Variants in GRID1 observed in about 807,000 individuals in gnomAD.
GRID1 encodes glutamate receptor ionotropic, delta-1.
Under a neutral mutation model 98.0 loss-of-function variants are expected in GRID1, and 28 were observed. The observed-to-expected ratio is 0.29, with a 90% CI of 0.21 to 0.39. GRID1 has a LOEUF of 0.39. GRID1 is among the 10% of genes least tolerant of loss of function. The pLI is 1.00. For synonymous variants in GRID1, 553 were observed against 538.5 expected (o/e 1.03, Z -0.37); for missense variants, 1,111 against 1,340.5 (o/e 0.83, Z 2.67).
chr10:85,994,673 C>G (rs1842720354), intron 4 of GRID1, among the ~76,000 whole-genome samples: 1 of 152,166 alleles, frequency 6.6e-6, no homozygotes, highest in South Asian at 2.1e-4. Flanking sequence ...TGGCAGTGGA[C>G]AGAATGCTGG....
At chr10:85,745,757 A>G (rs1172590400) in intron 8 of GRID1, among the ~76,000 whole-genome samples, 3 of 152,084 alleles carry the variant, frequency 2.0e-5, no homozygotes, top group Non-Finnish European at 4.4e-5. Context: ...TAGTGTCACA[A>G]ACATGACCAG....
At chr10:86,010,790 C>T (rs1456803202) in intron 4 of GRID1, among the ~76,000 whole-genome samples, 2 of 149,294 alleles carry the variant, frequency 1.3e-5, no homozygotes, top group East Asian at 3.9e-4. Context: ...TGTACTCCAG[C>T]CTGGGCAACA....
chr10:85,780,378 A>C (rs1218392765), intron 8 of GRID1, among the ~76,000 whole-genome samples: 1 of 152,204 alleles, frequency 6.6e-6, no homozygotes. Flanking sequence ...GTAGAGGAGG[A>C]AGTGGGGCTG....
chr10:85,869,896 C>T (rs933604019), intron 5 of GRID1, among the ~76,000 whole-genome samples: 4 of 152,154 alleles, frequency 2.6e-5, no homozygotes, highest in African/African-American at 9.7e-5. Flanking sequence ...CACAACATCC[C>T]ATCCTGGTAT....
At chr10:86,191,442 G>A (rs1490295641) in intron 3 of GRID1, among the ~76,000 whole-genome samples, 2 of 152,070 alleles carry the variant, frequency 1.3e-5, no homozygotes, top group Non-Finnish European at 2.9e-5. Flanking sequence ...GTGGTGGGGA[G>A]TGCAGATTGC....
chr10:85,944,576 TA>T (rs1236615934), intron 4 of GRID1, among the ~76,000 whole-genome samples: 1 of 152,090 alleles, frequency 6.6e-6, no homozygotes, highest in Non-Finnish European at 1.5e-5. Flanking sequence ...AAAAAATGTA[TA>T]AGGATATTTA....
chr10:85,860,781 G>A (rs181531011), intron 6 of GRID1, among the ~76,000 whole-genome samples: 1 of 152,214 alleles, frequency 6.6e-6, no homozygotes, highest in Admixed American at 6.5e-5. Context: ...GATGGAACGA[G>A]TGAAGTAGAT....
chr10:85,862,876 G>A lies in GRID1; in HGVS notation c.951+6134C>T, dbSNP rs151237100. On this transcript the variant is annotated intron_variant, in intron 6 of 15. Transcript: ENST00000327946. The stretch of plus-strand genomic sequence containing the variant: ...GAAAATAAGGAACCAAGACCCAGAG[G>A]GAGGAAATGGAGGGAGGGCAGGGAA... 4.2e-3 allele frequency among the ~76,000 whole-genome samples: 637 copies of A among 152,310 alleles called. 4 individuals are homozygous for A. Among genetic ancestry groups the A allele is most frequent in the Non-Finnish European group, 5.9e-3 (401 of 68,018 alleles).
intron 5 of GRID1, among the ~76,000 whole-genome samples, chr10:85,904,489 G>A (rs1253085127): frequency 6.6e-6 from 1 of 152,108 alleles, no homozygotes; most frequent in Non-Finnish European, 1.5e-5. Context: ...CTAGAGAGAA[G>A]AAAACTGCAC....
At chr10:85,883,706 T>TA (rs1217420630) in intron 5 of GRID1, among the ~76,000 whole-genome samples, 2 of 152,212 alleles carry the variant, frequency 1.3e-5, no homozygotes, top group African/African-American at 4.8e-5. Context: ...GAGCACTAGT[T>TA]ATCTATAACC....
At chr10:85,680,817 A>C (rs1841200795) in intron 12 of GRID1, among the ~76,000 whole-genome samples, 1 of 152,224 alleles carries the variant, frequency 6.6e-6, no homozygotes, top group African/African-American at 2.4e-5. Context: ...ATAAAAAATA[A>C]TAAAATCACT....
intron 8 of GRID1, among the ~76,000 whole-genome samples, chr10:85,749,759 T>C (rs1031338143): frequency 1.3e-5 from 2 of 152,188 alleles, no homozygotes; most frequent in Non-Finnish European, 2.9e-5. Flanking sequence ...CCTTTGTACA[T>C]GCTCTCCTTC....
At chr10:86,238,646 G>C (rs921734845) in intron 2 of GRID1, among the ~76,000 whole-genome samples, 1 of 146,740 alleles carries the variant, frequency 6.8e-6, no homozygotes, top group African/African-American at 2.6e-5. Context: ...CTCCAGCCTG[G>C]TGACAGAGCG....
chr10:85,648,976 G>A (rs181075910), intron 12 of GRID1, among the ~76,000 whole-genome samples: 101 of 152,342 alleles, frequency 6.6e-4, no homozygotes, highest in African/African-American at 2.2e-3. Context: ...TAACTTATCC[G>A]TGCCTCAGTT....
At chr10:85,898,248 A>G (rs1841322686) in intron 5 of GRID1, among the ~76,000 whole-genome samples, 1 of 152,218 alleles carries the variant, frequency 6.6e-6, no homozygotes, top group African/African-American at 2.4e-5. Flanking sequence ...AAAAAATTGT[A>G]CAACTGTATA....
chr10:86,062,641 T>C (rs1589357414), intron 4 of GRID1, among the ~76,000 whole-genome samples: 1 of 152,182 alleles, frequency 6.6e-6, no homozygotes. Context: ...GTCCCCACCA[T>C]GATTATTAGC....
At position 85,707,028 on chromosome 10, in the gene GRID1, A is replaced by G. The variant is rs534615651; in HGVS notation, c.1997+15975T>C. ...AAAACCCTAGAAGAAAACCTAGGCA[A>G]TACCAATCAGGACATAGGCATGGAC... is the stretch of plus-strand genomic sequence containing the variant. On this transcript the variant is annotated intron_variant, in intron 12 of 15. Transcript: ENST00000327946. 1.1e-4 allele frequency among the ~76,000 whole-genome samples: 17 copies of G among 152,314 alleles called. 1 individual carries two copies. The highest frequency in any genetic ancestry group is 5.9e-4 in the Admixed American group (9 of 15,290).
At chr10:86,320,169 G>A (rs1017103469) in intron 2 of GRID1, among the ~76,000 whole-genome samples, 2 of 152,216 alleles carry the variant, frequency 1.3e-5, no homozygotes, top group African/African-American at 4.8e-5. Flanking sequence ...TGCTGGGAAC[G>A]AAATCCATTT....
intron 2 of GRID1, among the ~76,000 whole-genome samples, chr10:86,335,536 T>C (rs1233104293): frequency 6.6e-6 from 1 of 152,250 alleles, no homozygotes; most frequent in African/African-American, 2.4e-5. Flanking sequence ...TGTTTTCTCC[T>C]GCAATATTCA....
Sources: allele counts gnomAD v4.1 joint callset (sites outside exome capture counted in the v4.1 genomes callset), GRCh38; gene constraint gnomAD v4.1.1; transcripts MANE v1.5; gene names NCBI Gene and HGNC (gene_info 2026-07-23, HGNC 2026-07-21).